Variants in DPYD observed in about 807,000 individuals in gnomAD.
DPYD encodes dihydropyrimidine dehydrogenase.
Under a neutral mutation model 116.2 loss-of-function variants are expected in DPYD, and 109 were observed. The ratio of observed to expected loss-of-function variants is 0.94; its 90% confidence interval spans 0.80 to 1.10. The LOEUF is 1.10. DPYD is among the 50% of genes least tolerant of loss of function. The probability of loss-of-function intolerance (pLI) is 0.00; values close to 1 mark genes in which losing one functional copy is unlikely to be tolerated. For missense variants in DPYD, 1,302 were observed against 1,254.5 expected, an observed-to-expected ratio of 1.04 and a Z score of -0.57; for synonymous variants, 440 against 432.0, an observed-to-expected ratio of 1.02 and a Z score of -0.23.
chr1:97,735,254 C>A (rs1416000465), intron 4 of DPYD, among the ~76,000 whole-genome samples: 5 of 152,130 alleles, frequency 3.3e-5, no homozygotes, highest in South Asian at 4.1e-4. Flanking sequence ...AATAAAAATT[C>A]AATGAACATA....
chr1:97,078,443 C>T lies in DPYD; in HGVS notation c.*533G>A, dbSNP rs1366202770. 1 of 172,858 alleles carries T rather than the reference C, an allele frequency of 5.8e-6. No homozygotes were observed. The highest frequency in any genetic ancestry group is 1.6e-4 in the East Asian group (1 of 6,282). The allele number at this position is 172,858 out of a possible 1,614,324, so 10.7% of individuals were successfully genotyped here. A position where few individuals can be genotyped will look rare whatever the true frequency, so the allele number is the denominator to read the frequency against. ...CAAACTCAATTTTAGGCTTTCTTATCCTGCCATAGCAAATAATTTTTTGAC... is the reference window on the plus strand; with the variant it reads ...CAAACTCAATTTTAGGCTTTCTTATTCTGCCATAGCAAATAATTTTTTGAC... On this transcript the variant is annotated 3_prime_UTR_variant, in exon 23 of 23. Transcript: ENST00000370192.
intron 10 of DPYD, 49 bp from the exon 11 acceptor site, chr1:97,574,019 AC>A: frequency 6.3e-7 from 1 of 1,599,722 alleles, no homozygotes; most frequent in Non-Finnish European, 8.5e-7. Flanking sequence ...TTCTTATTCC[AC>A]ACAGTATTTG....
At chr1:97,893,107 C>T (rs190030534) in intron 1 of DPYD, among the ~76,000 whole-genome samples, 2 of 151,804 alleles carry the variant, frequency 1.3e-5, no homozygotes, top group Non-Finnish European at 3.0e-5. Context: ...GTTTTAGCCA[C>T]TATTAACCCA....
intron 11 of DPYD, among the ~76,000 whole-genome samples, chr1:97,561,429 T>G (rs1369585283): frequency 6.6e-6 from 1 of 152,274 alleles, no homozygotes; most frequent in Non-Finnish European, 1.5e-5. Flanking sequence ...ATCCATTTGG[T>G]GAATATTTAT....
chr1:97,372,185 T>C lies in DPYD; in HGVS notation c.2058+1376A>G, dbSNP rs909114732. Among the ~76,000 whole-genome samples the C allele has an allele frequency of 3.9e-5, 6 of 152,310 alleles. No individual in the cohort carries two copies. The East Asian group carries it at 1.2e-3, about 29-fold the overall frequency. Reference sequence around the variant, plus strand: ...CATTCTCCCCTAACAAAGCAATCAATAGATTTAAAACCTCCGTAGTTGTTT... The same window carrying C: ...CATTCTCCCCTAACAAAGCAATCAACAGATTTAAAACCTCCGTAGTTGTTT... On this transcript the variant is annotated intron_variant, in intron 16 of 22. Transcript: ENST00000370192.
intron 20 of DPYD, among the ~76,000 whole-genome samples, chr1:97,174,311 A>G (rs920191248): frequency 5.9e-5 from 9 of 152,080 alleles, no homozygotes; most frequent in Admixed American, 5.9e-4. Flanking sequence ...CTACCAAAAG[A>G]CCTAATCAAA....
At chr1:97,180,151 A>C (rs1557917288) in intron 20 of DPYD, among the ~76,000 whole-genome samples, 2 of 151,690 alleles carry the variant, frequency 1.3e-5, no homozygotes, top group Admixed American at 1.3e-4. Context: ...CCCTTTTATT[A>C]TTCCAAACAG....
intron 3 of DPYD, among the ~76,000 whole-genome samples, chr1:97,813,515 G>A (rs927092394): frequency 2.6e-5 from 4 of 152,048 alleles, no homozygotes; most frequent in Non-Finnish European, 4.4e-5. Context: ...GAAAGATAGA[G>A]AAAGATGCTA....
chr1:97,287,625 G>A (rs1665798709), intron 18 of DPYD, among the ~76,000 whole-genome samples: 1 of 152,172 alleles, frequency 6.6e-6, no homozygotes, highest in Admixed American at 6.5e-5. Context: ...AAGCAAGCCT[G>A]GGTAATGGCG....
chr1:97,723,476 C>T (rs1323064155), intron 4 of DPYD, among the ~76,000 whole-genome samples: 1 of 151,494 alleles, frequency 6.6e-6, no homozygotes, highest in Non-Finnish European at 1.5e-5. Context: ...CATACACACA[C>T]ACACAAAAGT....
At chr1:97,231,623 T>C (rs893288682) in intron 19 of DPYD, among the ~76,000 whole-genome samples, 1 of 152,038 alleles carries the variant, frequency 6.6e-6, no homozygotes, top group Non-Finnish European at 1.5e-5. Flanking sequence ...TCCCACAACA[T>C]ATGGGGATTA....
intron 14 of DPYD, among the ~76,000 whole-genome samples, chr1:97,386,494 T>A (rs1200300874): frequency 6.6e-6 from 1 of 152,078 alleles, no homozygotes; most frequent in African/African-American, 2.4e-5. Flanking sequence ...CACTAACATA[T>A]CTGCATATTT....
chr1:97,428,253 T>C (rs1262566451), intron 14 of DPYD, among the ~76,000 whole-genome samples: 1 of 152,104 alleles, frequency 6.6e-6, no homozygotes, highest in African/African-American at 2.4e-5. Flanking sequence ...TTCTTCAAGA[T>C]CATGGTACAG....
chr1:97,354,689 A>C (rs946481597), intron 16 of DPYD, among the ~76,000 whole-genome samples: 1 of 152,210 alleles, frequency 6.6e-6, no homozygotes, highest in East Asian at 1.9e-4. Context: ...TAAAAAAATC[A>C]GAACTACTTT....
chr1:97,254,360 T>C (rs1663309156), intron 18 of DPYD, among the ~76,000 whole-genome samples: 1 of 152,174 alleles, frequency 6.6e-6, no homozygotes, highest in African/African-American at 2.4e-5. Context: ...GGAAAAATCC[T>C]GACATTTTCT....
intron 20 of DPYD, among the ~76,000 whole-genome samples, chr1:97,179,872 T>C (rs1657533988): frequency 6.6e-6 from 1 of 152,066 alleles, no homozygotes; most frequent in Non-Finnish European, 1.5e-5. Flanking sequence ...AATTAGGTGG[T>C]TAACTAGATC....
intron 6 of DPYD, among the ~76,000 whole-genome samples, chr1:97,692,397 T>C (rs1661056008): frequency 6.6e-6 from 1 of 152,096 alleles, no homozygotes; most frequent in African/African-American, 2.4e-5. Flanking sequence ...AACAATTCTA[T>C]TGTATATTAA....
chr1:97,867,241 G>A (rs914071195), intron 2 of DPYD, among the ~76,000 whole-genome samples: 10 of 151,820 alleles, frequency 6.6e-5, no homozygotes, highest in African/African-American at 2.2e-4. Flanking sequence ...AAGAGCTCAC[G>A]TAGTTCTAAA....
At chr1:97,433,204 G>A (rs1462025306) in intron 14 of DPYD, among the ~76,000 whole-genome samples, 1 of 152,118 alleles carries the variant, frequency 6.6e-6, no homozygotes, top group East Asian at 1.9e-4. Flanking sequence ...TTTAACTGGA[G>A]GAGGCCCTGC....
Sources: allele counts gnomAD v4.1 joint callset (sites outside exome capture counted in the v4.1 genomes callset), GRCh38; gene constraint gnomAD v4.1.1; transcripts MANE v1.5; gene names NCBI Gene and HGNC (gene_info 2026-07-23, HGNC 2026-07-21).